The following MYO16 variants were observed in gnomAD, a reference collection of about 807,000 sequenced individuals.
The protein encoded by MYO16 is unconventional myosin-XVI.
MYO16 carries 94 observed loss-of-function variants against 205.3 expected under a neutral mutation model. The ratio of observed to expected loss-of-function variants is 0.46; its 90% CI spans 0.39 to 0.54. The LOEUF (loss-of-function observed/expected upper bound fraction) is 0.54. MYO16 is among the 20% of genes least tolerant of loss of function. The pLI is 0.00. For missense variants in MYO16, 2,315 were observed against 2,387.5 expected, an observed-to-expected ratio of 0.97 and a Z score of 0.63; for synonymous variants, 988 against 954.0, an observed-to-expected ratio of 1.04 and a Z score of -0.66.
Position 108,978,115 on chromosome 13 carries a change from A to T in MYO16, c.2369+13213A>T, listed in dbSNP as rs199575047. 8.6e-5 allele frequency among the ~76,000 whole-genome samples: 13 copies of T among 151,940 alleles called. No homozygotes were observed. In the East Asian group the frequency reaches 2.5e-3, roughly 29 times the overall value. ...ATTCTATTATACATTAATTTATTGG[A>T]ATACTGAACCTTGAGTTTCTTATGT... On this transcript the variant is annotated intron_variant, in intron 20 of 34. Coordinates refer to ENST00000457511, the MANE Select transcript of MYO16 (RefSeq NM_001198950.3).
rs770149587 is a variant in MYO16, at chr13:109,100,858, C to T, written c.3409C>T (p.Leu1137Phe). Residue 1137 changes from leucine to phenylalanine, a missense_variant, in exon 28 of 35, where the codon CTC (leucine) becomes TTC (phenylalanine). Around this residue, in one of 3 missense-constraint regions of MYO16, gnomAD observed 1,097 missense variants for 1,092.0 expected, o/e 1.00. Coordinates refer to ENST00000457511, the MANE Select transcript of MYO16 (RefSeq NM_001198950.3). ...QSAAERCRLVLQQCKLQGWQM... is the reference protein window; with the variant it reads ...QSAAERCRLVFQQCKLQGWQM... ...AGCTGCCGAGCGATGTCGACTTGTT[C>T]TCCAGCAGTGTAAATTACAAGGCTG... The T allele has an allele frequency of 6.2e-7, 1 of 1,613,186 alleles. No individual in the cohort carries two copies. The highest frequency in any genetic ancestry group is 2.2e-5 in the East Asian group (1 of 44,884).
At chr13:108,753,644 A>G (rs1223859071) in intron 4 of MYO16, among the ~76,000 whole-genome samples, 2 of 152,192 alleles carry the variant, frequency 1.3e-5, no homozygotes, top group Non-Finnish European at 2.9e-5. Flanking sequence ...AAATTCTAAG[A>G]AAATATAGAA....
chr13:109,075,278 TC>T (rs1320260010), intron 27 of MYO16, among the ~76,000 whole-genome samples: 3 of 152,306 alleles, frequency 2.0e-5, no homozygotes, highest in African/African-American at 7.2e-5. Context: ...CAAACTGTTT[TC>T]CAAATTGGTT....
In MYO16 at chr13:108,847,886, T is replaced by A. The variant is rs577284067; in HGVS notation, c.1248+3393T>A. On this transcript the variant is annotated intron_variant, in intron 10 of 34. Coordinates refer to ENST00000457511, the MANE Select transcript of MYO16 (RefSeq NM_001198950.3). ...TGGTTCCCTAACTTCTTATTTTCCC[T>A]CTTTCCTCTCTTTCTCCCTTCAGAC... 2.0e-5 allele frequency among the ~76,000 whole-genome samples: 3 copies of A among 152,176 alleles called. No homozygotes were observed. The East Asian group carries it at 5.8e-4, about 29-fold the overall frequency.
At chr13:108,963,181 T>C (rs936804485) in intron 19 of MYO16, among the ~76,000 whole-genome samples, 4 of 152,228 alleles carry the variant, frequency 2.6e-5, no homozygotes, top group African/African-American at 9.6e-5. Context: ...CCTTACTATT[T>C]TCCTCTTTAT....
chr13:109,067,290 A>G (rs527611764), intron 27 of MYO16, among the ~76,000 whole-genome samples: 1 of 152,360 alleles, frequency 6.6e-6, no homozygotes, highest in South Asian at 2.1e-4. Flanking sequence ...AACATTTATC[A>G]GTATTTACTA....
chr13:109,043,808 G>A (rs1437247874), intron 23 of MYO16, among the ~76,000 whole-genome samples: 1 of 152,146 alleles, frequency 6.6e-6, no homozygotes, highest in Non-Finnish European at 1.5e-5. Context: ...CAGTGAACAT[G>A]AGGAAGGAGA....
chr13:109,130,129 T>C (rs1876460852), intron 31 of MYO16, among the ~76,000 whole-genome samples: 1 of 152,162 alleles, frequency 6.6e-6, no homozygotes, highest in African/African-American at 2.4e-5. Flanking sequence ...AAGACAGCTA[T>C]CATAACTCTT....
At chr13:109,149,599 A>T (rs1191464725) in intron 32 of MYO16, among the ~76,000 whole-genome samples, 2 of 152,216 alleles carry the variant, frequency 1.3e-5, no homozygotes, top group African/African-American at 4.8e-5. Context: ...CTGAAGTTAA[A>T]CACAAACTCA....
chr13:108,553,256 G>T, the MYO16 span, among the ~76,000 whole-genome samples: 1 of 151,950 alleles, frequency 6.6e-6, no homozygotes, highest in Non-Finnish European at 1.5e-5. Context: ...CTCCCAAAGT[G>T]CTGGGATTAC....
intron 17 of MYO16, 73 bp from the exon 18 acceptor site, chr13:108,961,466 A>T (rs1298818436): frequency 3.4e-6 from 4 of 1,191,332 alleles, no homozygotes; most frequent in Non-Finnish European, 5.0e-6. Context: ...TTACTTTTAG[A>T]TATTTAAAAA....
At chr13:109,020,202 T>C (rs1450992058) in intron 23 of MYO16, among the ~76,000 whole-genome samples, 1 of 152,218 alleles carries the variant, frequency 6.6e-6, no homozygotes, top group Non-Finnish European at 1.5e-5. Context: ...CTATAAACTT[T>C]GGAATATTAT....
intron 27 of MYO16, among the ~76,000 whole-genome samples, chr13:109,084,531 T>A (rs1888378489): frequency 6.6e-6 from 1 of 152,238 alleles, no homozygotes; most frequent in South Asian, 2.1e-4. Flanking sequence ...CTCGTGTATA[T>A]GTATTTGTTT....
chr13:108,655,039 C>A (rs1881181954), intron 1 of MYO16, among the ~76,000 whole-genome samples: 1 of 152,120 alleles, frequency 6.6e-6, no homozygotes, highest in Non-Finnish European at 1.5e-5. Flanking sequence ...AAAGAAAAAC[C>A]CATTTTCTGA....
chr13:108,659,452 C>T, intron 1 of MYO16: 1 of 351,572 alleles, frequency 2.8e-6, no homozygotes, highest in South Asian at 2.2e-5. Flanking sequence ...GGGCTTCTGG[C>T]CATAAACTTT....
chr13:108,763,540 C>T (rs1885678859), intron 4 of MYO16, among the ~76,000 whole-genome samples: 1 of 152,040 alleles, frequency 6.6e-6, no homozygotes, highest in Non-Finnish European at 1.5e-5. Context: ...GGCGTTGAAA[C>T]CAATAGTAAT....
At chr13:108,616,887 T>A (rs548471485) in intron 1 of MYO16, among the ~76,000 whole-genome samples, 1 of 152,096 alleles carries the variant, frequency 6.6e-6, no homozygotes, top group Non-Finnish European at 1.5e-5. Context: ...ACAAAAGTGA[T>A]CTGCTTGAAA....
At chr13:109,110,683 A>G (rs899357150) in intron 28 of MYO16, among the ~76,000 whole-genome samples, 2 of 152,228 alleles carry the variant, frequency 1.3e-5, no homozygotes, top group Non-Finnish European at 2.9e-5. Context: ...GAATTTTTCT[A>G]TTTAGTAGCT....
At chr13:108,703,251 A>G (rs1401890890) in intron 2 of MYO16, among the ~76,000 whole-genome samples, 6 of 152,180 alleles carry the variant, frequency 3.9e-5, no homozygotes, top group Non-Finnish European at 5.9e-5. Flanking sequence ...TCAAAAAGTA[A>G]CCCAAAAAGA....
Sources: gnomAD v4.1 joint callset for allele counts (sites outside exome capture counted in the v4.1 genomes callset) on GRCh38, gnomAD v4.1.1 for gene constraint, gnomAD v4.1.1 regional missense constraint, MANE v1.5 for transcripts, NCBI Gene and HGNC (gene_info 2026-07-23, HGNC 2026-07-21) for gene names.